Variants in GALR1 observed in about 807,000 individuals in gnomAD.
The protein encoded by GALR1 is galanin receptor type 1.
GALR1 carries 11 observed loss-of-function variants against 17.9 expected under a neutral mutation model. The ratio of observed to expected loss-of-function variants is 0.62; its 90% CI spans 0.39 to 1.02. GALR1 has a LOEUF of 1.02. GALR1 is among the 50% of genes least tolerant of loss of function. The probability of loss-of-function intolerance (pLI) is 0.01; values close to 1 mark genes in which losing one functional copy is unlikely to be tolerated. For missense variants in GALR1, 441 were observed against 456.9 expected (o/e 0.97, Z 0.32); for synonymous variants, 206 against 205.7 (o/e 1.00, Z -0.01).
In GALR1 at chr18:77,269,788, A is replaced by G. The variant is rs1426458744; in HGVS notation, c.*886A>G. 1 of 152,256 alleles carries G rather than the reference A, an allele frequency of 6.6e-6. No individual in the cohort carries two copies. The highest frequency in any genetic ancestry group is 2.1e-4 in the South Asian group (1 of 4,836). The allele number at this position is 152,256 out of a possible 1,614,324, so 9.4% of individuals were successfully genotyped here. On this transcript the variant is annotated 3_prime_UTR_variant, in exon 3 of 3. Transcript: ENST00000299727. Reference sequence around the variant, plus strand: ...AAAAAAATCAGCGAGGTTGATGTAGATAATAATTTCTATGGGACCAAAGAC... The same window carrying G: ...AAAAAAATCAGCGAGGTTGATGTAGGTAATAATTTCTATGGGACCAAAGAC...
Position 77,250,901 on chromosome 18 carries a change from C to G in GALR1, c.353C>G (p.Ser118Cys). ...CKFIHYFFTV[S>C]MLVSIFTLAA... ...TTCATCCACTACTTCTTCACCGTGTCCATGCTGGTGAGCATCTTCACCCTG... is the reference window on the plus strand; with the variant it reads ...TTCATCCACTACTTCTTCACCGTGTGCATGCTGGTGAGCATCTTCACCCTG... Residue 118 changes from serine (S) to cysteine (C), a missense_variant, in exon 1 of 3, where the codon TCC (serine) becomes TGC (cysteine). Physicochemically the swap from Ser to Cys is moderately radical, Grantham distance 112 (BLOSUM62 -1). Coordinates refer to ENST00000299727, the MANE Select transcript of GALR1 (RefSeq NM_001480.4). 6.2e-7 allele frequency: 1 copy of G among 1,607,478 alleles called. No individual in the cohort carries two copies. The highest frequency in any genetic ancestry group is 1.1e-5 in the South Asian group (1 of 91,086).
chr18:77,256,240 T>C lies in GALR1; in HGVS notation c.732+17T>C. ...AAGAAAAAGGTAATGATCACAAATA[T>C]ATATATATATGTTACTTTTCAGAGC... On this transcript the variant is annotated intron_variant, in intron 2 of 2. Transcript: ENST00000299727. The C allele has an allele frequency of 7.4e-7, 1 of 1,344,326 alleles. No homozygotes were observed. The highest frequency in any genetic ancestry group is 1.1e-6 in the Non-Finnish European group (1 of 938,142). The allele number at this position is 1,344,326 out of a possible 1,614,324, so 83.3% of individuals were successfully genotyped here.
chr18:77,254,206 C>T (rs1912533057), intron 1 of GALR1, among the ~76,000 whole-genome samples: 1 of 152,204 alleles, frequency 6.6e-6, no homozygotes, highest in Admixed American at 6.5e-5. Flanking sequence ...ATGTTATTAT[C>T]ACTCTCTTCT....
rs756079511 is a variant in GALR1, at chr18:77,250,973, G to T, written c.425G>T (p.Arg142Leu). The change falls in exon 1 of 3, where the codon CGC (arginine) becomes CTC (leucine). Residue 142 changes from arginine to leucine, a missense_variant. Coordinates refer to ENST00000299727, the MANE Select transcript of GALR1 (RefSeq NM_001480.4). ...TACGTGGCCATCGTGCACTCGCGGC[G>T]CTCCTCCTCCCTCAGGGTGTCCCGC... Reference protein sequence around the residue: ...DRYVAIVHSRRSSSLRVSRNA... With the variant: ...DRYVAIVHSRLSSSLRVSRNA... The T allele has an allele frequency of 1.2e-6, 2 of 1,604,146 alleles. No individual in the cohort carries two copies. The highest frequency in any genetic ancestry group is 1.3e-5 in the African/African-American group (1 of 75,024).
intron 1 of GALR1, among the ~76,000 whole-genome samples, chr18:77,252,899 C>CCACCACCACCACCACCACCACCACCAT (rs1912468628): frequency 2.1e-5 from 1 of 48,566 alleles, no homozygotes; most frequent in African/African-American, 6.8e-5. Context: ...ACCACCATCA[C>CCACCACCACCACCACCACCACCACCAT]CACCACCACC....
rs1182684272 is a variant in GALR1 at position 77,277,863 on chromosome 18, A to G, written c.*8961A>G. On this transcript the variant is annotated 3_prime_UTR_variant, in exon 3 of 3. Coordinates refer to ENST00000299727, the MANE Select transcript of GALR1 (RefSeq NM_001480.4). ...TATAATTGGCCTTTGTGATGGAACC[A>G]GTTTTCTTGCATTGAAAATAAAATT... 1 of 152,188 alleles carries G rather than the reference A, an allele frequency of 6.6e-6. No individual in the cohort carries two copies. The highest frequency in any genetic ancestry group is 2.4e-5 in the African/African-American group (1 of 41,452). The allele number at this position is 152,188 out of a possible 1,614,324, so 9.4% of individuals were successfully genotyped here.
Position 77,273,741 on chromosome 18 carries a change from T to C in GALR1, c.*4839T>C, listed in dbSNP as rs891205278. On this transcript the variant is annotated 3_prime_UTR_variant, in exon 3 of 3. Transcript: ENST00000299727. The stretch of plus-strand genomic sequence containing the variant: ...GAATTTTCTCTCTGAATCTTTTCAA[T>C]GTTGGCTCCATTTGCCATACTCAGA... 5 of 152,208 alleles carry C rather than the reference T, an allele frequency of 3.3e-5. No homozygotes were observed. The highest frequency in any genetic ancestry group is 9.6e-5 in the African/African-American group (4 of 41,454). 9.4% of individuals were successfully genotyped at this position (152,208 alleles called of 1,614,324 possible).
chr18:77,266,121 C>T (rs1327690799), intron 2 of GALR1, among the ~76,000 whole-genome samples: 5 of 152,084 alleles, frequency 3.3e-5, no homozygotes, highest in East Asian at 1.9e-4. Context: ...CCCTTATAAA[C>T]GTAAGTTCCA....
rs1912367013 is a variant in GALR1, at chr18:77,250,309, G to C, written c.-240G>C. Among the ~76,000 whole-genome samples, 1 of 152,208 alleles carries C rather than the reference G, an allele frequency of 6.6e-6. No individual in the cohort carries two copies. The highest frequency in any genetic ancestry group is 6.5e-5 in the Admixed American group (1 of 15,290). On this transcript the variant is annotated 5_prime_UTR_variant, in exon 1 of 3. Coordinates refer to ENST00000299727, the MANE Select transcript of GALR1 (RefSeq NM_001480.4). ...TCTCGAGATCACCGTCCCTTCCCGAGAAGGTCCAGCTCCGGGCTCCCGAAC... is the reference window on the plus strand; with the variant it reads ...TCTCGAGATCACCGTCCCTTCCCGACAAGGTCCAGCTCCGGGCTCCCGAAC...
In GALR1 at chr18:77,250,587, G is replaced by A. The variant is rs1334910762; in HGVS notation, c.39G>A (p.Ala13=). 23 of 1,546,114 alleles carry A rather than the reference G, an allele frequency of 1.5e-5. No individual in the cohort carries two copies. The highest frequency in any genetic ancestry group is 2.7e-5 in the African/African-American group (2 of 73,238). ...LAVGNLSEGN[A]SWPEPPAPEP... ...TCGGGAACCTCAGCGAGGGCAACGC[G>A]AGCTGGCCGGAGCCCCCCGCCCCGG... Residue 13 remains alanine (A), a synonymous_variant, in exon 1 of 3, where the codon GCG becomes GCA. Coordinates refer to ENST00000299727, the MANE Select transcript of GALR1 (RefSeq NM_001480.4).
chr18:77,263,363 C>T (rs1486980126), intron 2 of GALR1, among the ~76,000 whole-genome samples: 1 of 152,112 alleles, frequency 6.6e-6, no homozygotes, highest in African/African-American at 2.4e-5. Flanking sequence ...AAAACCCGTA[C>T]TTAGATTTTT....
In GALR1 at chr18:77,274,064, A is replaced by C. The variant is rs1913111527; in HGVS notation, c.*5162A>C. On this transcript the variant is annotated 3_prime_UTR_variant, in exon 3 of 3. Transcript: ENST00000299727. Reference sequence around the variant, plus strand: ...TCTATGGGACACCATATACCACAGTACTGTATTTCAAAATATTGGATATTG... The same window carrying C: ...TCTATGGGACACCATATACCACAGTCCTGTATTTCAAAATATTGGATATTG... 1 of 152,142 alleles carries C rather than the reference A, an allele frequency of 6.6e-6. No homozygotes were observed. Among genetic ancestry groups the C allele is most frequent in the Non-Finnish European group, 1.5e-5 (1 of 68,038 alleles). The allele number at this position is 152,142 out of a possible 1,614,324, so 9.4% of individuals were successfully genotyped here. A position where few individuals can be genotyped will look rare whatever the true frequency, so the allele number is the denominator to read the frequency against.
At chr18:77,268,514 A>G in intron 2 of GALR1, 71 bp from the exon 3 acceptor site, 4 of 954,630 alleles carry the variant, frequency 4.2e-6, no homozygotes, top group Non-Finnish European at 6.4e-6. Flanking sequence ...TAATCAATGA[A>G]TTTCCTTCCT....
Position 77,250,345 on chromosome 18 carries a change from T to C in GALR1, c.-204T>C, listed in dbSNP as rs1912367832. On this transcript the variant is annotated 5_prime_UTR_variant, in exon 1 of 3. Coordinates refer to ENST00000299727, the MANE Select transcript of GALR1 (RefSeq NM_001480.4). ...TCCGGGCTCCCGAACCCACCCTCTC[T>C]CAGAAGGTCCCGGCGCAAAGACGGT... Among the ~76,000 whole-genome samples, 1 of 151,978 alleles carries C rather than the reference T, an allele frequency of 6.6e-6. No homozygotes were observed. The highest frequency in any genetic ancestry group is 6.5e-5 in the Admixed American group (1 of 15,276).
chr18:77,258,948 G>A (rs1161081566), intron 2 of GALR1, among the ~76,000 whole-genome samples: 773 of 124,850 alleles, frequency 6.2e-3, no homozygotes, highest in Non-Finnish European at 9.7e-3. Context: ...GATGATGGTG[G>A]TCATGGTGGT....
rs986558819 is a variant in GALR1 at position 77,271,449 on chromosome 18, A to G, written c.*2547A>G. The G allele has an allele frequency of 1.5e-4, 23 of 152,244 alleles. No homozygotes were observed. The highest frequency in any genetic ancestry group is 5.5e-4 in the African/African-American group (23 of 41,462). 9.4% of individuals were successfully genotyped at this position (152,244 alleles called of 1,614,324 possible). A position where few individuals can be genotyped will look rare whatever the true frequency, so the allele number is the denominator to read the frequency against. Reference sequence around the variant, plus strand: ...AACCTCTACAAAATTTTCTGAATAAAGAGTTTCAGAAGAACTCGTAAACAG... The same window carrying G: ...AACCTCTACAAAATTTTCTGAATAAGGAGTTTCAGAAGAACTCGTAAACAG... On this transcript the variant is annotated 3_prime_UTR_variant, in exon 3 of 3. Transcript: ENST00000299727.
intron 2 of GALR1, among the ~76,000 whole-genome samples, chr18:77,258,853 GAT>G (rs1912702228): frequency 4.5e-5 from 5 of 111,718 alleles, no homozygotes; most frequent in African/African-American, 7.7e-5. Context: ...TGGTGGTGGT[GAT>G]GGTGGTGGTG....
rs761257157 is a variant in GALR1 at position 77,268,910 on chromosome 18, T to C, written c.*8T>C. ...AATTGTACTCATGTGTGATAAAAGA[T>C]AGAGTATCCTTATGGTTGAGTTTCC... On this transcript the variant is annotated 3_prime_UTR_variant, in exon 3 of 3. Coordinates refer to ENST00000299727, the MANE Select transcript of GALR1 (RefSeq NM_001480.4). 3.1e-6 allele frequency: 5 copies of C among 1,596,328 alleles called. No homozygotes were observed. In the East Asian group the frequency reaches 6.7e-5, roughly 21 times the overall value.
chr18:77,252,989 TCACCACCACCACCACCACCAC>T (rs1912497112), intron 1 of GALR1, among the ~76,000 whole-genome samples: 7 of 25,016 alleles, frequency 2.8e-4, no homozygotes, highest in South Asian at 1.5e-3. Context: ...ATCACCACCA[TCACCACCACCACCACCACCAC>T]CACCACCACC....
Sources: allele counts gnomAD v4.1 joint callset (sites outside exome capture counted in the v4.1 genomes callset), GRCh38; gene constraint gnomAD v4.1.1; transcripts MANE v1.5; gene names NCBI Gene and HGNC (gene_info 2026-07-23, HGNC 2026-07-21).